The following DNAH14 variants were observed in gnomAD, a reference collection of about 807,000 sequenced individuals.
DNAH14 encodes the protein axonemal beta dynein heavy chain 14.
Under a neutral mutation model 520.9 loss-of-function variants are expected in DNAH14, and 478 were observed. The ratio of observed to expected loss-of-function variants is 0.92; its 90% CI spans 0.85 to 0.99. The LOEUF (loss-of-function observed/expected upper bound fraction) is 0.99, where lower values mean the gene tolerates loss of function less well. Among genes scored for constraint, DNAH14 ranks in the 50% least tolerant of loss-of-function variants. DNAH14 has a pLI of 0.00. For missense variants in DNAH14, 4,831 were observed against 5,234.5 expected, an observed-to-expected ratio of 0.92 and a Z score of 2.38; for synonymous variants, 1,581 against 1,757.2, an observed-to-expected ratio of 0.90 and a Z score of 2.51.
intron 15 of DNAH14, among the ~76,000 whole-genome samples, chr1:225,048,587 T>C (rs756254152): frequency 6.6e-6 from 1 of 152,248 alleles, no homozygotes; most frequent in Non-Finnish European, 1.5e-5. Flanking sequence ...TTCAACTGTT[T>C]GGATGTATCG....
chr1:225,058,735 T>A (rs1335276511), intron 17 of DNAH14, among the ~76,000 whole-genome samples: 6 of 152,252 alleles, frequency 3.9e-5, no homozygotes, highest in Admixed American at 3.9e-4. Context: ...GTTATGTCTT[T>A]GTTCTCGTTG....
At chr1:225,337,922 G>A (rs1416643697) in intron 67 of DNAH14, 139 bp from the exon 68 acceptor site, 22 of 763,526 alleles carry the variant, frequency 2.9e-5, no homozygotes, top group Non-Finnish European at 4.4e-5. Flanking sequence ...ATTGACTATA[G>A]TCACCCTGTT....
At chr1:225,299,503 C>G (rs1299288187) in intron 55 of DNAH14, among the ~76,000 whole-genome samples, 1 of 152,112 alleles carries the variant, frequency 6.6e-6, no homozygotes, top group Non-Finnish European at 1.5e-5. Flanking sequence ...ATATATTCTC[C>G]CTTCACCAAA....
At chr1:224,968,526 T>C (rs573708096) in intron 6 of DNAH14, among the ~76,000 whole-genome samples, 5 of 152,262 alleles carry the variant, frequency 3.3e-5, no homozygotes, top group African/African-American at 9.6e-5. Flanking sequence ...CTCTTCTCTC[T>C]GTTGGAGCAC....
chr1:225,335,955 A>G (rs977044141), intron 66 of DNAH14, among the ~76,000 whole-genome samples: 11 of 144,390 alleles, frequency 7.6e-5, no homozygotes, highest in African/African-American at 1.2e-4. Context: ...ATGTATATAT[A>G]CACATATACA....
chr1:224,973,496 G>A (rs1323997274), intron 7 of DNAH14, among the ~76,000 whole-genome samples: 2 of 152,218 alleles, frequency 1.3e-5, no homozygotes, highest in African/African-American at 2.4e-5. Flanking sequence ...TTCATTTAGA[G>A]TTGAGAGAGC....
At chr1:225,011,649 C>CTTCTTGTT (rs2064754591) in intron 10 of DNAH14, among the ~76,000 whole-genome samples, 1 of 151,026 alleles carries the variant, frequency 6.6e-6, no homozygotes, top group Non-Finnish European at 1.5e-5. Context: ...ATAATTAGCT[C>CTTCTTGTT]TTCTTGTTGG....
At chr1:225,129,876 T>A (rs1027830479) in intron 27 of DNAH14, among the ~76,000 whole-genome samples, 3 of 152,066 alleles carry the variant, frequency 2.0e-5, no homozygotes, top group Non-Finnish European at 4.4e-5. Context: ...TCAGAGTGAA[T>A]AGGCAATCCA....
intron 8 of DNAH14, among the ~76,000 whole-genome samples, chr1:224,993,941 T>C (rs2063223777): frequency 6.6e-6 from 1 of 152,084 alleles, no homozygotes; most frequent in Non-Finnish European, 1.5e-5. Context: ...ATTGGCTTTT[T>C]CGTTGTGCAA....
intron 55 of DNAH14, among the ~76,000 whole-genome samples, chr1:225,293,424 A>C (rs1415545581): frequency 6.6e-6 from 1 of 152,190 alleles, no homozygotes; most frequent in African/African-American, 2.4e-5. Flanking sequence ...ATCAACCTAA[A>C]TGTTCATCAG....
chr1:225,356,540 A>C (rs1004111630), intron 73 of DNAH14, among the ~76,000 whole-genome samples: 14 of 152,214 alleles, frequency 9.2e-5, no homozygotes, highest in Admixed American at 7.2e-4. Context: ...GATTATTGAC[A>C]TAGTAGTGAC....
At chr1:225,354,994 G>A (rs1323478729) in intron 73 of DNAH14, among the ~76,000 whole-genome samples, 1 of 152,124 alleles carries the variant, frequency 6.6e-6, no homozygotes, top group African/African-American at 2.4e-5. Flanking sequence ...AACTTTTCAG[G>A]TGCAATTTAT....
intron 8 of DNAH14, among the ~76,000 whole-genome samples, chr1:224,982,608 C>T (rs996845573): frequency 7.5e-5 from 10 of 133,186 alleles, no homozygotes; most frequent in African/African-American, 1.5e-4. Flanking sequence ...CTTAGTACCA[C>T]CTTAGCTGTA....
rs1343062996 is a variant in DNAH14, at chr1:225,117,673, A to G, written c.3868-11A>G. 33 of 1,488,818 alleles carry G rather than the reference A, an allele frequency of 2.2e-5. No individual in the cohort carries two copies. Among genetic ancestry groups the G allele is most frequent in the Non-Finnish European group, 2.8e-5 (31 of 1,099,142 alleles). The allele number at this position is 1,488,818 out of a possible 1,614,324, so 92.2% of individuals were successfully genotyped here. On this transcript the variant is annotated splice_polypyrimidine_tract_variant and intron_variant, in intron 23 of 85. Coordinates refer to ENST00000682510, the MANE Select transcript of DNAH14 (RefSeq NM_001367479.1). ...TATATTCTGAATTGCATTTCTTTTGATTCTGGACAGGATTACCTTGAAGTT... is the reference window on the plus strand; with the variant it reads ...TATATTCTGAATTGCATTTCTTTTGGTTCTGGACAGGATTACCTTGAAGTT...
chr1:225,017,769 A>G (rs1430543379), intron 10 of DNAH14, among the ~76,000 whole-genome samples: 1 of 152,226 alleles, frequency 6.6e-6, no homozygotes, highest in East Asian at 1.9e-4. Flanking sequence ...AGTCCTAGCC[A>G]CCCAAGGTTA....
rs948312755 is a variant in DNAH14, at chr1:225,381,334, T to A, written c.12881-49T>A. 16 of 1,499,424 alleles carry A rather than the reference T, an allele frequency of 1.1e-5. No homozygotes were observed. In the Admixed American group the frequency reaches 4.1e-4, roughly 38 times the overall value. The allele number at this position is 1,499,424 out of a possible 1,614,324, so 92.9% of individuals were successfully genotyped here. A position where few individuals can be genotyped will look rare whatever the true frequency, so the allele number is the denominator to read the frequency against. On this transcript the variant is annotated intron_variant, in intron 80 of 85. Coordinates refer to ENST00000682510, the MANE Select transcript of DNAH14 (RefSeq NM_001367479.1). ...AGCCTAAGTCCCTCCATGTAAAGCCTCTTTTTAATCTGTAAAATATCAAAA... is the reference window on the plus strand; with the variant it reads ...AGCCTAAGTCCCTCCATGTAAAGCCACTTTTTAATCTGTAAAATATCAAAA...
At chr1:225,169,989 T>G (rs1311196058) in intron 36 of DNAH14, among the ~76,000 whole-genome samples, 1 of 152,186 alleles carries the variant, frequency 6.6e-6, no homozygotes, top group Non-Finnish European at 1.5e-5. Context: ...AAAAGAATTT[T>G]CAACCCAGAA....
chr1:225,196,166 C>T (rs889224135), intron 38 of DNAH14, among the ~76,000 whole-genome samples: 4 of 151,940 alleles, frequency 2.6e-5, no homozygotes, highest in Admixed American at 6.6e-5. Context: ...ATCTCTCACC[C>T]CCTTCCTACC....
chr1:225,001,486 C>T (rs1420637658), intron 8 of DNAH14, among the ~76,000 whole-genome samples: 1 of 151,936 alleles, frequency 6.6e-6, no homozygotes, highest in East Asian at 1.9e-4. Flanking sequence ...TGGTGAATTC[C>T]TTATAATACT....
Sources: gnomAD v4.1 joint callset for allele counts (sites outside exome capture counted in the v4.1 genomes callset) on GRCh38, gnomAD v4.1.1 for gene constraint, MANE v1.5 for transcripts, NCBI Gene and HGNC (gene_info 2026-07-23, HGNC 2026-07-21) for gene names.